The following ROR1 variants were observed in gnomAD, a reference collection of about 807,000 sequenced individuals.
The protein encoded by ROR1 is ROR family WNT receptor 1, also known as inactive tyrosine-protein kinase transmembrane receptor ROR1.
ROR1 carries 19 observed loss-of-function variants against 78.8 expected under a neutral mutation model. The observed-to-expected ratio is 0.24, with a 90% CI of 0.17 to 0.35. The LOEUF is 0.35. ROR1 is among the 10% of genes least tolerant of loss of function. The probability of loss-of-function intolerance (pLI) is 1.00; values close to 1 mark genes in which losing one functional copy is unlikely to be tolerated. For missense variants in ROR1, 917 were observed against 1,177.8 expected, an observed-to-expected ratio of 0.78 and a Z score of 3.24; for synonymous variants, 386 against 433.6, an observed-to-expected ratio of 0.89 and a Z score of 1.36.
intron 4 of ROR1, among the ~76,000 whole-genome samples, chr1:64,116,225 A>G (rs1273489679): frequency 1.3e-5 from 2 of 152,226 alleles, no homozygotes; most frequent in Non-Finnish European, 2.9e-5. Flanking sequence ...GCTGTGTCTC[A>G]TATCTCCTCA....
chr1:64,051,473 A>T (rs1373948343), intron 4 of ROR1, among the ~76,000 whole-genome samples: 19 of 141,030 alleles, frequency 1.3e-4, no homozygotes, highest in African/African-American at 5.7e-4. Flanking sequence ...AAAATAAAAT[A>T]AAATAAAATA....
intron 1 of ROR1, among the ~76,000 whole-genome samples, chr1:63,876,338 A>G (rs1303981675): frequency 1.3e-5 from 2 of 152,170 alleles, no homozygotes; most frequent in Non-Finnish European, 2.9e-5. Flanking sequence ...TTATTTTCAC[A>G]GAAGAATTTC....
In ROR1 at chr1:64,177,810, G is replaced by A. The variant is rs1283632499; in HGVS notation, c.1769G>A (p.Gly590Glu). 6.2e-7 allele frequency: 1 copy of A among 1,614,150 alleles called. No homozygotes were observed. Among genetic ancestry groups the A allele is most frequent in the Non-Finnish European group, 8.5e-7 (1 of 1,180,024 alleles). ...ACTGTGAAATCCAGCCTGGACCACG[G>A]AGATTTTCTGCACATTGCAATTCAG... Reference protein sequence around the residue: ...DGTVKSSLDHGDFLHIAIQIA... With the variant: ...DGTVKSSLDHEDFLHIAIQIA... The change falls in exon 9 of 9, where the codon GGA becomes GAA. Residue 590 changes from glycine (G) to glutamate (E), a missense_variant. Around this residue, in one of 3 missense-constraint regions of ROR1, gnomAD observed 835 missense variants for 1,069.8 expected, o/e 0.78. Transcript: ENST00000371079.
chr1:64,044,133 A>G (rs1646766181), intron 2 of ROR1, among the ~76,000 whole-genome samples: 1 of 152,146 alleles, frequency 6.6e-6, no homozygotes, highest in African/African-American at 2.4e-5. Flanking sequence ...CGGAAATAGA[A>G]AACATGCCAT....
chr1:63,940,691 A>G lies in ROR1; in HGVS notation c.92-68614A>G, dbSNP rs116103013. Among the ~76,000 whole-genome samples the G allele has an allele frequency of 8.7e-3, 1,324 of 152,300 alleles. 24 individuals are homozygous for G. The highest frequency in any genetic ancestry group is 0.029 in the African/African-American group (1,211 of 41,552). On this transcript the variant is annotated intron_variant, in intron 1 of 8. Transcript: ENST00000371079. ...TGGGCAAAAATCATCAATGGATGTT[A>G]AATCTAGAGAGAGAGGGGTTGATAA... is the stretch of plus-strand genomic sequence containing the variant.
At chr1:64,053,719 G>A (rs1390294933) in intron 4 of ROR1, among the ~76,000 whole-genome samples, 1 of 152,092 alleles carries the variant, frequency 6.6e-6, no homozygotes, top group Admixed American at 6.5e-5. Flanking sequence ...TAAGAGCCAG[G>A]AACTATGAAA....
chr1:64,047,230 C>T (rs931206859), intron 2 of ROR1, among the ~76,000 whole-genome samples: 1 of 152,180 alleles, frequency 6.6e-6, no homozygotes, highest in South Asian at 2.1e-4. Flanking sequence ...AACATTTTGT[C>T]ATGTGAAAAG....
intron 2 of ROR1, among the ~76,000 whole-genome samples, chr1:64,024,501 A>AAAAAAC (rs1466687890): frequency 4.0e-5 from 6 of 151,718 alleles, no homozygotes; most frequent in Admixed American, 3.3e-4. Flanking sequence ...AACAAAAAAC[A>AAAAAAC]AAAAAAACAA....
At chr1:64,062,052 A>C (rs982035781) in intron 4 of ROR1, among the ~76,000 whole-genome samples, 1 of 152,134 alleles carries the variant, frequency 6.6e-6, no homozygotes, top group Non-Finnish European at 1.5e-5. Flanking sequence ...TCTCCCTCAA[A>C]TTCTGAAGTG....
intron 1 of ROR1, among the ~76,000 whole-genome samples, chr1:63,857,292 C>T (rs1184969827): frequency 6.6e-6 from 1 of 151,866 alleles, no homozygotes. Context: ...TTTTTGTAGC[C>T]TCTCCTTAGA....
At chr1:63,902,074 A>AT (rs1645489321) in intron 1 of ROR1, among the ~76,000 whole-genome samples, 1 of 152,146 alleles carries the variant, frequency 6.6e-6, no homozygotes, top group Non-Finnish European at 1.5e-5. Flanking sequence ...TTTAAGTTAT[A>AT]TTTTCGATGG....
chr1:64,118,016 C>T lies in ROR1; in HGVS notation c.483-19353C>T, dbSNP rs182481286. Among the ~76,000 whole-genome samples, 1,018 of 152,318 alleles carry T rather than the reference C, an allele frequency of 6.7e-3. 7 individuals are homozygous for T. Among genetic ancestry groups the T allele is most frequent in the Non-Finnish European group, 8.7e-3 (589 of 68,034 alleles). Reference sequence around the variant, plus strand: ...AGGGATTTGAGACCAGCCTGGGCAACATGGTGAAACCTTTTCTCTACAGAA... The same window carrying T: ...AGGGATTTGAGACCAGCCTGGGCAATATGGTGAAACCTTTTCTCTACAGAA... On this transcript the variant is annotated intron_variant, in intron 4 of 8. Transcript: ENST00000371079.
At chr1:64,101,307 G>T (rs1647532153) in intron 4 of ROR1, among the ~76,000 whole-genome samples, 1 of 152,074 alleles carries the variant, frequency 6.6e-6, no homozygotes, top group Non-Finnish European at 1.5e-5. Flanking sequence ...TGTTCACCAT[G>T]GTCCTGTCTC....
intron 4 of ROR1, among the ~76,000 whole-genome samples, chr1:64,082,698 A>G (rs1341528504): frequency 6.6e-6 from 1 of 152,214 alleles, no homozygotes; most frequent in Non-Finnish European, 1.5e-5. Context: ...AGCCTCCTCT[A>G]GTAAGTAGGC....
At position 64,069,842 on chromosome 1, in the gene ROR1, A is replaced by G. The variant is rs1646987979; in HGVS notation, c.482+19126A>G. ...TTTATTATTATTATTGTGGTAAACT[A>G]TACATGACATAAAATATACAATTTT... On this transcript the variant is annotated intron_variant, in intron 4 of 8. Coordinates refer to ENST00000371079, the MANE Select transcript of ROR1 (RefSeq NM_005012.4). Among the ~76,000 whole-genome samples the G allele has an allele frequency of 1.3e-5, 2 of 152,170 alleles. 1 individual carries two copies. Among genetic ancestry groups the G allele is most frequent in the South Asian group, 4.1e-4 (2 of 4,828 alleles).
intron 2 of ROR1, among the ~76,000 whole-genome samples, chr1:64,018,488 C>T (rs1263999274): frequency 6.6e-6 from 1 of 152,214 alleles, no homozygotes. Context: ...GATGATCACA[C>T]CTTGTTCCTC....
At chr1:63,992,723 A>G (rs544370569) in intron 1 of ROR1, among the ~76,000 whole-genome samples, 2 of 152,306 alleles carry the variant, frequency 1.3e-5, no homozygotes, top group South Asian at 4.1e-4. Context: ...TCACCACCAA[A>G]ATGAAGATAA....
intron 1 of ROR1, among the ~76,000 whole-genome samples, chr1:63,799,669 A>G (rs1420152084): frequency 6.6e-6 from 1 of 151,156 alleles, no homozygotes; most frequent in Non-Finnish European, 1.5e-5. Context: ...TTAAACAGCT[A>G]GTGTCACTCT....
chr1:64,133,851 A>C (rs1335756077), intron 4 of ROR1, among the ~76,000 whole-genome samples: 1 of 152,250 alleles, frequency 6.6e-6, no homozygotes, highest in African/African-American at 2.4e-5. Context: ...TGATGAAAGA[A>C]GTGTGAGCTG....
Sources: allele counts gnomAD v4.1 joint callset (sites outside exome capture counted in the v4.1 genomes callset), GRCh38; gene constraint gnomAD v4.1.1; regional missense constraint gnomAD v4.1.1; transcripts MANE v1.5; gene names NCBI Gene and HGNC (gene_info 2026-07-23, HGNC 2026-07-21).